The following SLCO1A2 variants were observed in gnomAD, a reference collection of about 807,000 sequenced individuals.
SLCO1A2 encodes the protein solute carrier organic anion transporter family member 1A2.
Under a neutral mutation model 69.0 loss-of-function variants are expected in SLCO1A2, and 67 were observed. The ratio of observed to expected loss-of-function variants is 0.97; its 90% CI spans 0.80 to 1.19. The LOEUF (loss-of-function observed/expected upper bound fraction) is 1.19, where lower values mean the gene tolerates loss of function less well. Among genes scored for constraint, SLCO1A2 ranks in the 50% most tolerant of loss-of-function variants. The probability of loss-of-function intolerance (pLI) is 0.00; values close to 1 mark genes in which losing one functional copy is unlikely to be tolerated. For synonymous variants in SLCO1A2, 260 were observed against 265.9 expected (o/e 0.98, Z 0.22); for missense variants, 787 against 793.7 (o/e 0.99, Z 0.10).
rs138014050 is a variant in SLCO1A2 at position 21,304,468 on chromosome 12, A to T, written c.548T>A (p.Ile183Lys). 1.2e-6 allele frequency: 2 copies of T among 1,612,928 alleles called. No homozygotes were observed. Among genetic ancestry groups the T allele is most frequent in the East Asian group, 4.5e-5 (2 of 44,852 alleles). ...TPILPLGISY[I>K]EDFAKFENSP... ...ATTTTCAAATTTGGCAAAATCTTCT[A>T]TATAGGAAATACCCAAAGGCAGGAT... The change falls in exon 6 of 15, where the codon ATA (isoleucine) becomes AAA (lysine). Residue 183 changes from isoleucine (I) to lysine (K), a missense_variant. Physicochemically the swap from Ile to Lys is moderately radical, Grantham distance 102. Coordinates refer to ENST00000683939, the MANE Select transcript of SLCO1A2 (RefSeq NM_001386879.1).
chr12:21,348,660 A>C (rs143192282), intron 2 of SLCO1A2, among the ~76,000 whole-genome samples: 2 of 152,086 alleles, frequency 1.3e-5, no homozygotes, highest in East Asian at 3.9e-4. Flanking sequence ...CCTCACCCTC[A>C]TTTTCCATTG....
Position 21,314,542 on chromosome 12 carries a change from T to C in SLCO1A2, c.335+7A>G. The C allele has an allele frequency of 6.2e-7, 1 of 1,613,444 alleles. No homozygotes were observed. Among genetic ancestry groups the C allele is most frequent in the Non-Finnish European group, 8.5e-7 (1 of 1,179,852 alleles). On this transcript the variant is annotated splice_region_variant and intron_variant, in intron 4 of 14. Coordinates refer to ENST00000683939, the MANE Select transcript of SLCO1A2 (RefSeq NM_001386879.1). ...ACCACCCAAAATTATCAGACTGGAGTACTTACTGGTTCATGAGGAAATGAG... is the reference window on the plus strand; with the variant it reads ...ACCACCCAAAATTATCAGACTGGAGCACTTACTGGTTCATGAGGAAATGAG...
intron 1 of SLCO1A2, among the ~76,000 whole-genome samples, chr12:21,374,835 C>CTCTCTG (rs1237088272): frequency 6.6e-6 from 1 of 151,784 alleles, no homozygotes; most frequent in Non-Finnish European, 1.5e-5. Context: ...CTCTCTCTCT[C>CTCTCTG]TCTCTGTCTC....
intron 1 of SLCO1A2, among the ~76,000 whole-genome samples, chr12:21,387,336 T>C: frequency 6.6e-6 from 1 of 152,128 alleles, no homozygotes; most frequent in Non-Finnish European, 1.5e-5. Context: ...TCAGAGACCT[T>C]CACAGCAGCC....
rs1005176985 is a variant in SLCO1A2 at position 21,413,384 on chromosome 12, G to C, written c.-312+4498C>G. 2.6e-5 allele frequency among the ~76,000 whole-genome samples: 4 copies of C among 151,570 alleles called. No individual in the cohort carries two copies. In the East Asian group the frequency reaches 7.8e-4, roughly 29 times the overall value. Reference sequence around the variant, plus strand: ...AGCCTCCTGAGTAGGTGGGACTACAGGCGCGCGCCACCATGCCTGGCTAAT... The same window carrying C: ...AGCCTCCTGAGTAGGTGGGACTACACGCGCGCGCCACCATGCCTGGCTAAT... On this transcript the variant is annotated intron_variant, in intron 1 of 4. Transcript: ENST00000413682.
intron 2 of SLCO1A2, among the ~76,000 whole-genome samples, chr12:21,367,683 T>C (rs1428732473): frequency 6.6e-6 from 1 of 151,936 alleles, no homozygotes; most frequent in African/African-American, 2.4e-5. Context: ...GTAATCAGCA[T>C]TTAGGTTGTT....
At chr12:21,276,951 G>A (rs1296125629) in intron 12 of SLCO1A2, among the ~76,000 whole-genome samples, 5 of 152,206 alleles carry the variant, frequency 3.3e-5, no homozygotes, top group African/African-American at 1.2e-4. Flanking sequence ...AAATAAACTT[G>A]AAAGGCAGTC....
intron 8 of SLCO1A2, 76 bp downstream of exon 8, chr12:21,300,272 G>C (rs979669004): frequency 5.7e-6 from 6 of 1,060,746 alleles, no homozygotes; most frequent in African/African-American, 1.6e-5. Flanking sequence ...GCATATCATA[G>C]TGTTAGACTA....
intron 12 of SLCO1A2, among the ~76,000 whole-genome samples, chr12:21,282,606 A>G (rs1945001517): frequency 6.6e-6 from 1 of 152,154 alleles, no homozygotes; most frequent in Non-Finnish European, 1.5e-5. Context: ...CAGACAAGAA[A>G]TATAAACAAA....
intron 2 of SLCO1A2, among the ~76,000 whole-genome samples, chr12:21,371,921 G>C (rs984717316): frequency 2.6e-5 from 4 of 151,742 alleles, no homozygotes; most frequent in Admixed American, 2.0e-4. Flanking sequence ...AGAATCACTT[G>C]AACCCGGGAG....
chr12:21,289,192 G>GTGTGTA (rs2136277663), intron 12 of SLCO1A2, among the ~76,000 whole-genome samples: 1 of 146,584 alleles, frequency 6.8e-6, no homozygotes, highest in East Asian at 2.0e-4. Context: ...TTCTGTGTGT[G>GTGTGTA]TGTGTGTGTG....
At chr12:21,379,740 T>C (rs1378459133) in intron 1 of SLCO1A2, 1 of 152,086 alleles carries the variant, frequency 6.6e-6, no homozygotes, top group Non-Finnish European at 1.5e-5. Context: ...AACTTGTACT[T>C]TTAAAAAAAT....
At chr12:21,307,112 T>G in intron 4 of SLCO1A2, 124 bp from the exon 5 acceptor site, 1 of 590,576 alleles carries the variant, frequency 1.7e-6, no homozygotes, top group South Asian at 3.0e-5. Context: ...AAAATGGCTT[T>G]TCATCCTTGG....
chr12:21,333,437 A>C (rs1377114436), intron 2 of SLCO1A2, among the ~76,000 whole-genome samples: 1 of 152,106 alleles, frequency 6.6e-6, no homozygotes, highest in African/African-American at 2.4e-5. Flanking sequence ...AATTTGTTAA[A>C]AATAGTTCTT....
intron 12 of SLCO1A2, among the ~76,000 whole-genome samples, chr12:21,279,578 C>G (rs1395400717): frequency 1.3e-5 from 2 of 152,028 alleles, no homozygotes; most frequent in Non-Finnish European, 2.9e-5. Context: ...AGGAAAAAAA[C>G]TTTTACCTTT....
intron 2 of SLCO1A2, chr12:21,319,388 C>A: frequency 7.3e-7 from 1 of 1,368,004 alleles, no homozygotes; most frequent in Non-Finnish European, 9.8e-7. Context: ...CGACTCCACT[C>A]TTTCCTGTTC....
intron 12 of SLCO1A2, among the ~76,000 whole-genome samples, chr12:21,288,392 G>T (rs887256328): frequency 2.6e-5 from 4 of 152,116 alleles, no homozygotes; most frequent in African/African-American, 9.7e-5. Context: ...AGTGAGCCAA[G>T]ATTGTGCCAC....
intron 4 of SLCO1A2, among the ~76,000 whole-genome samples, chr12:21,307,717 G>A (rs1344578064): frequency 6.6e-6 from 1 of 152,192 alleles, no homozygotes; most frequent in Non-Finnish European, 1.5e-5. Flanking sequence ...TGAAGTCTCT[G>A]TTTGTTAGAA....
Position 21,316,358 on chromosome 12 carries a change from A to C in SLCO1A2, c.203-1677T>G, listed in dbSNP as rs1216132439. ...TCTCTCCAAACTTCCCAGAACATTC[A>C]TCCATATTCATAGATTCCGCTTTTC... On this transcript the variant is annotated intron_variant, in intron 3 of 14. Transcript: ENST00000683939. 2.0e-5 allele frequency among the ~76,000 whole-genome samples: 3 copies of C among 152,072 alleles called. No homozygotes were observed. The East Asian group carries it at 5.8e-4, about 29-fold the overall frequency.
Sources: allele counts gnomAD v4.1 joint callset (sites outside exome capture counted in the v4.1 genomes callset), GRCh38; gene constraint gnomAD v4.1.1; transcripts MANE v1.5; gene names NCBI Gene and HGNC (gene_info 2026-07-23, HGNC 2026-07-21).